Variants in PCDHA9 observed in about 807,000 individuals in gnomAD.
PCDHA9 encodes the protein protocadherin alpha 9, also known as protocadherin alpha-9.
Under a neutral mutation model 62.0 loss-of-function variants are expected in PCDHA9, and 62 were observed. The ratio of observed to expected loss-of-function variants is 1.00; its 90% CI spans 0.81 to 1.23. The LOEUF is 1.23. PCDHA9 is among the 50% of genes most tolerant of loss of function. The probability of loss-of-function intolerance (pLI) is 0.00; values close to 1 mark genes in which losing one functional copy is unlikely to be tolerated. For synonymous variants in PCDHA9, 557 were observed against 567.6 expected (o/e 0.98, Z 0.27); for missense variants, 1,205 against 1,249.8 (o/e 0.96, Z 0.54).
intron 1 of PCDHA9, chr5:140,871,646 A>G: frequency 7.8e-7 from 1 of 1,275,646 alleles, no homozygotes; most frequent in Non-Finnish European, 1.1e-6. Flanking sequence ...TAAAATACCA[A>G]ATGATACACA....
At chr5:140,966,505 A>T in intron 1 of PCDHA9, 1 of 427,984 alleles carries the variant, frequency 2.3e-6, no homozygotes, top group Non-Finnish European at 4.1e-6. Context: ...CTGTAGCGGC[A>T]GCAGCAGCAG....
chr5:140,878,145 A>G (rs1331184448), intron 1 of PCDHA9: 4 of 183,786 alleles, frequency 2.2e-5, no homozygotes, highest in African/African-American at 9.5e-5. Flanking sequence ...CAGATGTTTG[A>G]TAACTTAAAA....
intron 1 of PCDHA9, among the ~76,000 whole-genome samples, chr5:140,910,513 A>G (rs1293675976): frequency 2.0e-5 from 3 of 152,184 alleles, no homozygotes; most frequent in Non-Finnish European, 4.4e-5. Flanking sequence ...CTCTTCAAGG[A>G]TGCAGGTACT....
At chr5:140,863,799 G>A (rs1246230954) in intron 1 of PCDHA9, 10 of 212,460 alleles carry the variant, frequency 4.7e-5, no homozygotes, top group Non-Finnish European at 8.6e-5. Context: ...AGGAGTTTGA[G>A]ACCAGCCTGG....
chr5:140,871,444 A>C (rs782085925), intron 1 of PCDHA9: 1 of 1,610,088 alleles, frequency 6.2e-7, no homozygotes, highest in Non-Finnish European at 8.5e-7. Context: ...AGGTCTGAAT[A>C]AAGAGGAGGA....
intron 3 of PCDHA9, among the ~76,000 whole-genome samples, chr5:141,001,004 T>C (rs2097982470): frequency 1.3e-5 from 2 of 152,368 alleles, no homozygotes; most frequent in South Asian, 4.1e-4. Flanking sequence ...TTTAAATATG[T>C]ATTTAGATAT....
intron 1 of PCDHA9, chr5:140,855,963 A>C (rs1291137660): frequency 1.4e-6 from 2 of 1,404,396 alleles, no homozygotes; most frequent in Non-Finnish European, 1.9e-6. Context: ...TAAAAAATAG[A>C]TATAAGAAAT....
At position 140,853,383 on chromosome 5, in the gene PCDHA9, A is replaced by T. The variant is rs2150531366; in HGVS notation, c.2394+2494A>T. ...GGATCCAGAGATGGTAAAATTCAAAACAGCCTGTCAAGTTCAAAACAGAGA... is the reference window on the plus strand; with the variant it reads ...GGATCCAGAGATGGTAAAATTCAAATCAGCCTGTCAAGTTCAAAACAGAGA... On this transcript the variant is annotated intron_variant, in intron 1 of 3. Transcript: ENST00000532602. 4 of 985,712 alleles carry T rather than the reference A, an allele frequency of 4.1e-6. No homozygotes were observed. In the Admixed American group the frequency reaches 1.9e-4, roughly 47 times the overall value. The allele number at this position is 985,712 out of a possible 1,614,324, so 61.1% of individuals were successfully genotyped here.
intron 1 of PCDHA9, among the ~76,000 whole-genome samples, chr5:140,916,856 G>C (rs529499839): frequency 2.6e-5 from 4 of 152,254 alleles, no homozygotes; most frequent in South Asian, 2.1e-4. Flanking sequence ...CCAGCACTAG[G>C]AGTTACCTAG....
chr5:140,860,067 T>C (rs2150484600), intron 1 of PCDHA9: 1 of 151,674 alleles, frequency 6.6e-6, no homozygotes, highest in African/African-American at 2.4e-5. Flanking sequence ...GGTGGGAGGA[T>C]GGTTTGAGGC....
At chr5:140,923,616 A>T (rs2081445050) in intron 1 of PCDHA9, among the ~76,000 whole-genome samples, 1 of 152,234 alleles carries the variant, frequency 6.6e-6, no homozygotes, top group African/African-American at 2.4e-5. Flanking sequence ...TTATCTGGTC[A>T]TCTTATCCAA....
At chr5:140,988,414 T>C (rs1554250128) in intron 3 of PCDHA9, among the ~76,000 whole-genome samples, 1 of 152,194 alleles carries the variant, frequency 6.6e-6, no homozygotes. Flanking sequence ...GCAGCTTATG[T>C]AAAGAATTTG....
chr5:140,961,716 G>A (rs2095631233), intron 1 of PCDHA9, among the ~76,000 whole-genome samples: 1 of 152,082 alleles, frequency 6.6e-6, no homozygotes, highest in African/African-American at 2.4e-5. Flanking sequence ...TCATTTCTAA[G>A]TGCTCATAAA....
chr5:140,897,446 T>G (rs2066114237), intron 1 of PCDHA9, among the ~76,000 whole-genome samples: 1 of 151,576 alleles, frequency 6.6e-6, no homozygotes, highest in South Asian at 2.1e-4. Context: ...GTGTTTGGTT[T>G]TTTGTCCTTG....
Position 140,883,664 on chromosome 5 carries a change from G to A in PCDHA9, c.2394+32775G>A, listed in dbSNP as rs200846533. The A allele has an allele frequency of 6.7e-5, 108 of 1,613,836 alleles. No individual in the cohort carries two copies. Among genetic ancestry groups the A allele is most frequent in the Non-Finnish European group, 8.9e-5 (105 of 1,179,872 alleles). On this transcript the variant is annotated intron_variant, in intron 1 of 3. Transcript: ENST00000532602. ...GCCCGAGTACACGGTGTTCGTGAAG[G>A]AAAACAATCCGCCGGGCTGCCACAT... is the stretch of plus-strand genomic sequence containing the variant.
intron 1 of PCDHA9, among the ~76,000 whole-genome samples, chr5:140,953,914 T>A (rs1554221128): frequency 6.6e-6 from 1 of 152,134 alleles, no homozygotes; most frequent in South Asian, 2.1e-4. Context: ...ATCCATTAGG[T>A]ATTCTTCCTG....
chr5:141,010,188 T>G lies in PCDHA9; in HGVS notation c.*251T>G. 6.4e-7 allele frequency: 1 copy of G among 1,553,070 alleles called. No individual in the cohort carries two copies. On this transcript the variant is annotated 3_prime_UTR_variant, in exon 4 of 4. Coordinates refer to ENST00000532602, the MANE Select transcript of PCDHA9 (RefSeq NM_031857.2). ...CAGAACCTAAAAAGCAGACCCAAGT[T>G]TCCTTTCTCCTCCGCCGCAAAGGAG...
chr5:140,967,056 G>A, intron 1 of PCDHA9: 1 of 1,612,712 alleles, frequency 6.2e-7, no homozygotes, highest in Non-Finnish European at 8.5e-7. Context: ...CTGACGAGTG[G>A]AGCGCTCTTC....
intron 1 of PCDHA9, among the ~76,000 whole-genome samples, chr5:140,960,693 T>C (rs2095562408): frequency 6.6e-6 from 1 of 152,136 alleles, no homozygotes; most frequent in Non-Finnish European, 1.5e-5. Flanking sequence ...AATGAGGGTG[T>C]TCTTTAGTGC....
Sources: allele counts gnomAD v4.1 joint callset (sites outside exome capture counted in the v4.1 genomes callset), GRCh38; gene constraint gnomAD v4.1.1; transcripts MANE v1.5; gene names NCBI Gene and HGNC (gene_info 2026-07-23, HGNC 2026-07-21).